Variants in PCDH7 observed in about 807,000 individuals in gnomAD.
PCDH7 encodes protocadherin 7.
PCDH7 carries 17 observed loss-of-function variants against 58.9 expected under a neutral mutation model. The ratio of observed to expected loss-of-function variants is 0.29; its 90% CI spans 0.20 to 0.43. PCDH7 has a LOEUF of 0.43. PCDH7 is among the 20% of genes least tolerant of loss of function. PCDH7 has a pLI of 1.00. For synonymous variants in PCDH7, 664 were observed against 616.4 expected (o/e 1.08, Z -1.14); for missense variants, 1,274 against 1,441.0 (o/e 0.88, Z 1.88).
intron 3 of PCDH7, among the ~76,000 whole-genome samples, chr4:31,039,809 ACGG>A: frequency 6.6e-6 from 1 of 152,218 alleles, no homozygotes; most frequent in African/African-American, 2.4e-5. Flanking sequence ...TCTTAAGATC[ACGG>A]AGTAAATTAT....
At chr4:31,066,201 A>G (rs745975649) in intron 3 of PCDH7, among the ~76,000 whole-genome samples, 2 of 151,866 alleles carry the variant, frequency 1.3e-5, no homozygotes, top group African/African-American at 2.4e-5. Context: ...TACTCTTAAG[A>G]TTCACTCTCT....
intron 2 of PCDH7, among the ~76,000 whole-genome samples, chr4:30,933,434 T>C (rs1178385699): frequency 6.6e-6 from 1 of 152,178 alleles, no homozygotes; most frequent in Non-Finnish European, 1.5e-5. Context: ...TCAGTGCTTC[T>C]TTCAGTGTCC....
At chr4:31,034,470 T>G (rs1411545237) in intron 3 of PCDH7, among the ~76,000 whole-genome samples, 2 of 152,230 alleles carry the variant, frequency 1.3e-5, no homozygotes, top group Admixed American at 1.3e-4. Context: ...ATTGTAAATA[T>G]AGCAGGGGAG....
chr4:30,750,173 C>T (rs1718321191), intron 1 of PCDH7, among the ~76,000 whole-genome samples: 1 of 152,112 alleles, frequency 6.6e-6, no homozygotes, highest in South Asian at 2.1e-4. Flanking sequence ...CTCTCTTCCA[C>T]CTTTAGGCTA....
intron 2 of PCDH7, among the ~76,000 whole-genome samples, chr4:30,922,842 T>C (rs1315799913): frequency 1.3e-5 from 2 of 152,176 alleles, no homozygotes; most frequent in Non-Finnish European, 2.9e-5. Flanking sequence ...GTGGCTGATC[T>C]AAATGTAGCA....
At chr4:31,089,992 G>T (rs1713016681) in intron 3 of PCDH7, among the ~76,000 whole-genome samples, 1 of 151,986 alleles carries the variant, frequency 6.6e-6, no homozygotes, top group Non-Finnish European at 1.5e-5. Flanking sequence ...TACCCTTAAA[G>T]ATGTGATTAA....
At chr4:30,757,504 G>A (rs1719459003) in intron 1 of PCDH7, among the ~76,000 whole-genome samples, 5 of 152,118 alleles carry the variant, frequency 3.3e-5, no homozygotes, top group Admixed American at 3.3e-4. Context: ...TTTACTATTT[G>A]CCCAACAGGA....
chr4:31,036,686 G>C (rs1195629106), intron 3 of PCDH7, among the ~76,000 whole-genome samples: 3 of 152,136 alleles, frequency 2.0e-5, no homozygotes, highest in Non-Finnish European at 4.4e-5. Flanking sequence ...TGCACTAATA[G>C]CATACTCTGT....
At chr4:30,933,904 C>A (rs370298432) in intron 2 of PCDH7, among the ~76,000 whole-genome samples, 22 of 152,198 alleles carry the variant, frequency 1.4e-4, no homozygotes, top group Non-Finnish European at 2.4e-4. Flanking sequence ...CCAGTCCTTA[C>A]GATTTCCCTT....
At chr4:31,139,240 C>A (rs1479706574) in intron 3 of PCDH7, among the ~76,000 whole-genome samples, 6 of 152,060 alleles carry the variant, frequency 3.9e-5, no homozygotes, top group East Asian at 1.9e-4. Flanking sequence ...ACAAAAAATT[C>A]TCTAAGGAAC....
intron 3 of PCDH7, among the ~76,000 whole-genome samples, chr4:31,115,747 A>G (rs1330339178): frequency 6.6e-6 from 1 of 152,212 alleles, no homozygotes. Context: ...GCTATATTGA[A>G]TTTTAAAACA....
At chr4:31,066,551 G>A (rs1273570448) in intron 3 of PCDH7, among the ~76,000 whole-genome samples, 3 of 151,840 alleles carry the variant, frequency 2.0e-5, no homozygotes, top group East Asian at 1.9e-4. Context: ...AGCCACATTC[G>A]CAAACTTACC....
intron 1 of PCDH7, among the ~76,000 whole-genome samples, chr4:30,748,883 C>T (rs181875441): frequency 3.6e-4 from 55 of 152,178 alleles, no homozygotes; most frequent in African/African-American, 1.3e-3. Flanking sequence ...GAATGGACAG[C>T]CTGATGGGTG....
intron 1 of PCDH7, among the ~76,000 whole-genome samples, chr4:30,861,454 C>T (rs1734188096): frequency 6.6e-6 from 1 of 152,244 alleles, no homozygotes; most frequent in African/African-American, 2.4e-5. Context: ...GTTGAAAAAG[C>T]AACACAATAA....
chr4:30,955,810 A>G (rs1291622686), intron 3 of PCDH7, among the ~76,000 whole-genome samples: 1 of 151,874 alleles, frequency 6.6e-6, no homozygotes, highest in African/African-American at 2.4e-5. Context: ...CGGCCTCTCA[A>G]AGTCCTGGGA....
At chr4:30,980,213 T>C (rs1020191167) in intron 3 of PCDH7, among the ~76,000 whole-genome samples, 1 of 152,182 alleles carries the variant, frequency 6.6e-6, no homozygotes, top group Non-Finnish European at 1.5e-5. Flanking sequence ...ATAAAAGTAT[T>C]CAACAGGACT....
intron 3 of PCDH7, among the ~76,000 whole-genome samples, chr4:30,979,070 C>A (rs1198222615): frequency 6.6e-6 from 1 of 151,616 alleles, no homozygotes; most frequent in Non-Finnish European, 1.5e-5. Flanking sequence ...AATGAGTGAT[C>A]CTTAAAAAAA....
At chr4:30,967,247 T>A (rs1482089603) in intron 3 of PCDH7, among the ~76,000 whole-genome samples, 2 of 152,122 alleles carry the variant, frequency 1.3e-5, no homozygotes. Flanking sequence ...TTGATTTTTA[T>A]CCGTTTGGTT....
At chr4:31,013,134 C>T (rs960884064) in intron 3 of PCDH7, among the ~76,000 whole-genome samples, 1 of 150,316 alleles carries the variant, frequency 6.7e-6, no homozygotes, top group Non-Finnish European at 1.5e-5. Context: ...CTGCAGTGAG[C>T]TGTGATATGA....
Sources: allele counts gnomAD v4.1 joint callset (sites outside exome capture counted in the v4.1 genomes callset), GRCh38; gene constraint gnomAD v4.1.1; transcripts MANE v1.5; gene names NCBI Gene and HGNC (gene_info 2026-07-23, HGNC 2026-07-21).